NUBPL: variants seen among roughly 807,000 people sequenced by gnomAD.
NUBPL encodes iron-sulfur cluster transfer protein NUBPL.
NUBPL carries 31 observed loss-of-function variants against 45.7 expected under a neutral mutation model. That is an observed-to-expected ratio of 0.68 (90% CI 0.51 to 0.92). NUBPL has a LOEUF of 0.92. Ranked by LOEUF, NUBPL falls within the 40% of genes least tolerant of loss-of-function variation. NUBPL has a pLI of 0.00. For missense variants in NUBPL, 401 were observed against 398.7 expected (o/e 1.01, Z -0.05); for synonymous variants, 144 against 140.9 (o/e 1.02, Z -0.15).
rs1388957986 is a variant in NUBPL at position 31,666,252 on chromosome 14, TATATATATA to T, written c.383-7102_383-7094del. ...AGATATATATATATATATATATATA[TATATATATA>T]TAATTTTATTTTATTTTTTTTGAGA... On this transcript the variant is annotated intron_variant, in intron 4 of 10. Coordinates refer to ENST00000281081, the MANE Select transcript of NUBPL (RefSeq NM_025152.3). Among the ~76,000 whole-genome samples the T allele has an allele frequency of 1.8e-4, 8 of 44,604 alleles. 1 individual carries two copies. The highest frequency in any genetic ancestry group is 8.2e-4 in the South Asian group (1 of 1,218). 29.3% of individuals were successfully genotyped at this position (44,604 alleles called of 152,430 possible). A position where few individuals can be genotyped will look rare whatever the true frequency, so the allele number is the denominator to read the frequency against.
intron 10 of NUBPL, among the ~76,000 whole-genome samples, chr14:31,856,581 T>G (rs1270451400): frequency 1.3e-5 from 2 of 152,136 alleles, no homozygotes; most frequent in Admixed American, 6.5e-5. Context: ...GCCTGTAAAA[T>G]CAAAAGCAAG....
At chr14:31,787,631 T>C (rs918111121) in intron 6 of NUBPL, 149 bp from the exon 7 acceptor site, 2 of 615,216 alleles carry the variant, frequency 3.3e-6, no homozygotes, top group Admixed American at 2.7e-5. Flanking sequence ...CATCCATGTA[T>C]CCTTAGGACT....
intron 4 of NUBPL, among the ~76,000 whole-genome samples, chr14:31,640,499 C>T (rs752306969): frequency 1.3e-5 from 2 of 151,522 alleles, no homozygotes; most frequent in African/African-American, 4.9e-5. Flanking sequence ...CCTGTAATCC[C>T]AGCTACTCAG....
chr14:31,740,679 T>C (rs1260416542), intron 6 of NUBPL, among the ~76,000 whole-genome samples: 1 of 152,200 alleles, frequency 6.6e-6, no homozygotes, highest in Admixed American at 6.5e-5. Context: ...ATCAATACGT[T>C]CTCTCATTTG....
At chr14:31,855,914 G>GGATAATGAT (rs2040610144) in intron 10 of NUBPL, among the ~76,000 whole-genome samples, 1 of 151,936 alleles carries the variant, frequency 6.6e-6, no homozygotes. Context: ...TGTAAAGTCG[G>GGATAATGAT]GATAATGATA....
intron 3 of NUBPL, among the ~76,000 whole-genome samples, chr14:31,575,611 C>G (rs962816206): frequency 1.3e-5 from 2 of 152,108 alleles, no homozygotes; most frequent in African/African-American, 4.8e-5. Context: ...TTACATATGG[C>G]AAATCCTGAT....
chr14:31,844,386 G>A (rs1055491067), intron 8 of NUBPL: 6 of 152,222 alleles, frequency 3.9e-5, no homozygotes, highest in Non-Finnish European at 7.3e-5. Flanking sequence ...CCCAAGCAGT[G>A]AGTGTATTAT....
chr14:31,637,039 A>G lies in NUBPL; in HGVS notation c.383-36316A>G, dbSNP rs146709347. 3.4e-3 allele frequency among the ~76,000 whole-genome samples: 524 copies of G among 152,208 alleles called. 3 individuals are homozygous for G. The highest frequency in any genetic ancestry group is 0.012 in the African/African-American group (478 of 41,526). On this transcript the variant is annotated intron_variant, in intron 4 of 10. Coordinates refer to ENST00000281081, the MANE Select transcript of NUBPL (RefSeq NM_025152.3). ...AATTTTGTTGATCCTTTCAGAAACC[A>G]GCTCCTGGATTCATTAATTTTTTGA...
At chr14:31,788,674 A>G (rs1156903791) in intron 7 of NUBPL, among the ~76,000 whole-genome samples, 1 of 152,160 alleles carries the variant, frequency 6.6e-6, no homozygotes, top group Non-Finnish European at 1.5e-5. Context: ...ACATTCTGAC[A>G]GGTTAACTGT....
At chr14:31,681,627 T>G (rs1298218804) in intron 6 of NUBPL, among the ~76,000 whole-genome samples, 1 of 152,006 alleles carries the variant, frequency 6.6e-6, no homozygotes, top group Non-Finnish European at 1.5e-5. Flanking sequence ...GCTCTTAAGG[T>G]AGGCAGTTAA....
At chr14:31,835,584 A>G (rs751162788) in intron 8 of NUBPL, among the ~76,000 whole-genome samples, 3 of 152,208 alleles carry the variant, frequency 2.0e-5, no homozygotes, top group Non-Finnish European at 4.4e-5. Context: ...ATTAGAGATC[A>G]TTATAAATCT....
intron 6 of NUBPL, among the ~76,000 whole-genome samples, chr14:31,702,456 T>C (rs569045255): frequency 6.6e-6 from 1 of 152,338 alleles, no homozygotes; most frequent in East Asian, 1.9e-4. Flanking sequence ...GCAGAGACCT[T>C]AGAGATTACA....
At chr14:31,782,824 A>G (rs1407236084) in intron 6 of NUBPL, among the ~76,000 whole-genome samples, 1 of 152,220 alleles carries the variant, frequency 6.6e-6, no homozygotes, top group Non-Finnish European at 1.5e-5. Context: ...AAACATAGAA[A>G]TCTTGAATTG....
intron 10 of NUBPL, among the ~76,000 whole-genome samples, chr14:31,856,441 T>G (rs968099121): frequency 1.3e-5 from 2 of 152,098 alleles, no homozygotes; most frequent in African/African-American, 4.8e-5. Context: ...CCAAATCACA[T>G]GTCCTCACAT....
At chr14:31,711,901 G>T (rs1460505323) in intron 6 of NUBPL, among the ~76,000 whole-genome samples, 1 of 152,094 alleles carries the variant, frequency 6.6e-6, no homozygotes, top group Admixed American at 6.5e-5. Context: ...CTCCCGTCTG[G>T]AGTTGTTCAT....
At chr14:31,805,784 G>T (rs1184511888) in intron 7 of NUBPL, among the ~76,000 whole-genome samples, 1 of 151,430 alleles carries the variant, frequency 6.6e-6, no homozygotes, top group Non-Finnish European at 1.5e-5. Flanking sequence ...GAGAGGAGCT[G>T]AAAAAAAGTA....
chr14:31,671,499 C>T (rs1057405230), intron 4 of NUBPL, among the ~76,000 whole-genome samples: 5 of 152,062 alleles, frequency 3.3e-5, no homozygotes, highest in South Asian at 2.1e-4. Flanking sequence ...TGTAACTCAC[C>T]GTTTTAGCAG....
intron 6 of NUBPL, among the ~76,000 whole-genome samples, chr14:31,766,875 A>G (rs1299224366): frequency 6.6e-6 from 1 of 152,180 alleles, no homozygotes; most frequent in Non-Finnish European, 1.5e-5. Flanking sequence ...ATTCATTAGA[A>G]GTTCCTCCCA....
At chr14:31,577,186 C>G (rs1462860523) in intron 3 of NUBPL, among the ~76,000 whole-genome samples, 1 of 152,214 alleles carries the variant, frequency 6.6e-6, no homozygotes, top group Non-Finnish European at 1.5e-5. Context: ...ACCCACTCTA[C>G]TTCTATATAT....
Sources: allele counts gnomAD v4.1 joint callset (sites outside exome capture counted in the v4.1 genomes callset), GRCh38; gene constraint gnomAD v4.1.1; transcripts MANE v1.5; gene names NCBI Gene and HGNC (gene_info 2026-07-23, HGNC 2026-07-21).